Variants in ASB1 observed in about 807,000 individuals in gnomAD.
ASB1 encodes the protein ankyrin repeat and SOCS box protein 1.
In ASB1, 18 loss-of-function variants were observed where a neutral mutation model predicts 27.7. The ratio of observed to expected loss-of-function variants is 0.65; its 90% CI spans 0.45 to 0.96. ASB1 has a LOEUF of 0.96. ASB1 is among the 50% of genes least tolerant of loss of function. The pLI is 0.00. For missense variants in ASB1, 397 were observed against 451.7 expected (o/e 0.88, Z 1.10); for synonymous variants, 189 against 187.6 (o/e 1.01, Z -0.06).
rs993562014 is a variant in ASB1, at chr2:238,451,965, G to A, written c.*5454G>A. 1.3e-5 allele frequency: 2 copies of A among 152,234 alleles called. No homozygotes were observed. The highest frequency in any genetic ancestry group is 4.8e-5 in the African/African-American group (2 of 41,454). 9.4% of individuals were successfully genotyped at this position (152,234 alleles called of 1,614,324 possible). On this transcript the variant is annotated 3_prime_UTR_variant, in exon 5 of 5. Coordinates refer to ENST00000264607, the MANE Select transcript of ASB1 (RefSeq NM_001040445.3). ...GGGACGTACCCCAAATGTTGCCCAG[G>A]TTGAAACTCCCTGACAGCCTGTTCT...
chr2:238,431,960 G>C (rs991799107), intron 1 of ASB1, among the ~76,000 whole-genome samples: 10 of 152,178 alleles, frequency 6.6e-5, no homozygotes, highest in Admixed American at 6.5e-4. Context: ...ACACAAAATG[G>C]ACACATCCTG....
intron 3 of ASB1, among the ~76,000 whole-genome samples, chr2:238,438,318 G>A (rs2106406512): frequency 6.9e-6 from 1 of 145,516 alleles, no homozygotes; most frequent in African/African-American, 2.6e-5. Context: ...TCCTGCCTCA[G>A]CCTCCCAAGT....
Position 238,447,197 on chromosome 2 carries a change from A to G in ASB1, c.*686A>G, listed in dbSNP as rs991457134. On this transcript the variant is annotated 3_prime_UTR_variant, in exon 5 of 5. Coordinates refer to ENST00000264607, the MANE Select transcript of ASB1 (RefSeq NM_001040445.3). The stretch of plus-strand genomic sequence containing the variant: ...CACCTTAGGGAGCTTCCAGTGATTG[A>G]TTTTAGGAGGCCCACACCAAACTCC... 6.5e-6 allele frequency: 1 copy of G among 152,686 alleles called. No individual in the cohort carries two copies. The highest frequency in any genetic ancestry group is 1.5e-5 in the Non-Finnish European group (1 of 68,196). 9.5% of individuals were successfully genotyped at this position (152,686 alleles called of 1,614,324 possible). A position where few individuals can be genotyped will look rare whatever the true frequency, so the allele number is the denominator to read the frequency against.
chr2:238,440,417 T>G (rs1298134985), intron 3 of ASB1, among the ~76,000 whole-genome samples: 1 of 152,258 alleles, frequency 6.6e-6, no homozygotes, highest in African/African-American at 2.4e-5. Flanking sequence ...CCTAGTTTTC[T>G]GCCTTTCGCG....
intron 3 of ASB1, among the ~76,000 whole-genome samples, chr2:238,437,250 G>A (rs1324824002): frequency 6.7e-6 from 1 of 149,826 alleles, no homozygotes; most frequent in Non-Finnish European, 1.5e-5. Flanking sequence ...TATTTTTTTT[G>A]AGACAGAGTC....
intron 1 of ASB1, 122 bp downstream of exon 1, chr2:238,427,241 G>T (rs1701775288): frequency 2.8e-6 from 2 of 719,240 alleles, no homozygotes; most frequent in East Asian, 3.5e-5. Context: ...GGCAGCCAGG[G>T]AGCCGCACCC....
intron 1 of ASB1, among the ~76,000 whole-genome samples, chr2:238,432,055 C>T (rs1404049943): frequency 6.6e-6 from 1 of 152,180 alleles, no homozygotes; most frequent in East Asian, 1.9e-4. Flanking sequence ...ACGTGTGAAG[C>T]TTGATAAAGT....
At chr2:238,430,109 T>C (rs965507176) in intron 1 of ASB1, among the ~76,000 whole-genome samples, 2 of 152,246 alleles carry the variant, frequency 1.3e-5, no homozygotes, top group African/African-American at 2.4e-5. Context: ...TCCTGACTTA[T>C]CGGGGGCTAT....
chr2:238,446,022 A>G (rs1306130780), intron 4 of ASB1, among the ~76,000 whole-genome samples: 1 of 152,228 alleles, frequency 6.6e-6, no homozygotes, highest in Non-Finnish European at 1.5e-5. Context: ...GAAGGGGCTG[A>G]CAGAGGCTGG....
chr2:238,430,265 C>G (rs1701843874), intron 1 of ASB1, among the ~76,000 whole-genome samples: 1 of 152,250 alleles, frequency 6.6e-6, no homozygotes. Context: ...TCTAACCCTG[C>G]TGCTGCTTAA....
intron 1 of ASB1, among the ~76,000 whole-genome samples, chr2:238,427,945 A>G (rs1312766509): frequency 6.6e-6 from 1 of 152,126 alleles, no homozygotes; most frequent in Admixed American, 6.5e-5. Context: ...AAACATCTTA[A>G]AAGATTGACT....
intron 1 of ASB1, among the ~76,000 whole-genome samples, chr2:238,431,059 C>A (rs1055032934): frequency 1.3e-5 from 2 of 152,238 alleles, no homozygotes; most frequent in Non-Finnish European, 1.5e-5. Context: ...AAAGCTTTGA[C>A]GCTAGGCATT....
In ASB1 at chr2:238,446,367, C is replaced by T. The variant is rs986192842; in HGVS notation, c.881-17C>T. The T allele has an allele frequency of 1.3e-6, 2 of 1,574,140 alleles. No homozygotes were observed. The highest frequency in any genetic ancestry group is 3.8e-5 in the Admixed American group (2 of 53,324). On this transcript the variant is annotated splice_polypyrimidine_tract_variant and intron_variant, in intron 4 of 4. Coordinates refer to ENST00000264607, the MANE Select transcript of ASB1 (RefSeq NM_001040445.3). ...TGAACCTTCCTCTATCCCTCTCTTT[C>T]TTCCCACGGCCTTCAGGTGTTCCCA... is the stretch of plus-strand genomic sequence containing the variant.
chr2:238,442,475 A>G (rs1158177453), intron 3 of ASB1, among the ~76,000 whole-genome samples: 5 of 152,294 alleles, frequency 3.3e-5, no homozygotes, highest in Middle Eastern at 3.4e-3. Context: ...TTATACGTTA[A>G]GGGTATTAAC....
chr2:238,451,813 G>T lies in ASB1; in HGVS notation c.*5302G>T, dbSNP rs1702291321. The T allele has an allele frequency of 6.6e-6, 1 of 152,598 alleles. No individual in the cohort carries two copies. Among genetic ancestry groups the T allele is most frequent in the Admixed American group, 6.5e-5 (1 of 15,280 alleles). The allele number at this position is 152,598 out of a possible 1,614,324, so 9.5% of individuals were successfully genotyped here. A position where few individuals can be genotyped will look rare whatever the true frequency, so the allele number is the denominator to read the frequency against. ...GAAGTGTTGGTCGTGCGAAATCTTG[G>T]TATTCGCATTTCAAGAAGGGAGTTC... On this transcript the variant is annotated 3_prime_UTR_variant, in exon 5 of 5. Coordinates refer to ENST00000264607, the MANE Select transcript of ASB1 (RefSeq NM_001040445.3).
In ASB1 at chr2:238,446,745, G is replaced by A; in HGVS notation, c.*234G>A. ...TTGTTTTTCCCAAGTTCTCTGTTCT[G>A]GATTTTCAGTTGCATATTAATGTAA... On this transcript the variant is annotated 3_prime_UTR_variant, in exon 5 of 5. Transcript: ENST00000264607. 2.0e-6 allele frequency: 1 copy of A among 511,772 alleles called. No homozygotes were observed. The highest frequency in any genetic ancestry group is 2.1e-5 in the South Asian group (1 of 47,740). The allele number at this position is 511,772 out of a possible 1,614,324, so 31.7% of individuals were successfully genotyped here.
At chr2:238,438,517 G>A (rs1429243956) in intron 3 of ASB1, among the ~76,000 whole-genome samples, 1 of 152,144 alleles carries the variant, frequency 6.6e-6, no homozygotes, top group Admixed American at 6.6e-5. Context: ...CCCTTCTTGC[G>A]AAAACGTTAC....
chr2:238,443,937 TA>T (rs1702127296), intron 3 of ASB1, among the ~76,000 whole-genome samples: 2 of 152,376 alleles, frequency 1.3e-5, no homozygotes, highest in South Asian at 4.1e-4. Flanking sequence ...ATTGAAGATT[TA>T]AAAGTTGGTA....
At chr2:238,443,482 C>T (rs1299574566) in intron 3 of ASB1, among the ~76,000 whole-genome samples, 3 of 151,964 alleles carry the variant, frequency 2.0e-5, no homozygotes, top group Non-Finnish European at 4.4e-5. Flanking sequence ...TCTTATTTTC[C>T]AACTTTATGC....
Sources: gnomAD v4.1 joint callset for allele counts (sites outside exome capture counted in the v4.1 genomes callset) on GRCh38, gnomAD v4.1.1 for gene constraint, MANE v1.5 for transcripts, NCBI Gene and HGNC (gene_info 2026-07-23, HGNC 2026-07-21) for gene names.